DCAF8L2: variants seen among roughly 807,000 people sequenced by gnomAD.
The protein encoded by DCAF8L2 is DDB1 and CUL4 associated factor 8 like 2, also known as DDB1- and CUL4-associated factor 8-like protein 2.
For missense variants in DCAF8L2, 430 were observed against 490.7 expected, an observed-to-expected ratio of 0.88 and a Z score of 1.17; for synonymous variants, 200 against 190.9, an observed-to-expected ratio of 1.05 and a Z score of -0.39.
the DCAF8L2 span, among the ~76,000 whole-genome samples, chrX:27,484,987 G>A: frequency 1.8e-5 from 2 of 111,637 alleles, no homozygotes; most frequent in African/African-American, 3.3e-5. Flanking sequence ...GACTAGAGAG[G>A]CAGTTTATAT....
the DCAF8L2 span, among the ~76,000 whole-genome samples, chrX:27,528,474 GTGTATA>G: frequency 5.9e-3 from 206 of 34,943 alleles, no homozygotes; most frequent in Admixed American, 0.015. Flanking sequence ...TTATGTGTAT[GTGTATA>G]TATATATATA....
At chrX:27,517,047 G>T in the DCAF8L2 span, among the ~76,000 whole-genome samples, 2 of 111,228 alleles carry the variant, frequency 1.8e-5, no homozygotes, top group South Asian at 7.6e-4. Context: ...GCCATCAAAG[G>T]ATTACAGGAG....
chrX:27,524,618 T>C, the DCAF8L2 span, among the ~76,000 whole-genome samples: 1 of 110,766 alleles, frequency 9.0e-6, no homozygotes, highest in African/African-American at 3.3e-5. Flanking sequence ...TTAATTGTGA[T>C]GTTAGGGTGT....
At chrX:27,632,323 T>A (rs921695214) in intron 2 of DCAF8L2, 1 of 111,544 alleles carries the variant, frequency 9.0e-6, no homozygotes, top group African/African-American at 3.3e-5. Context: ...TTTGCCATTT[T>A]GCTGATGTCT....
intron 1 of DCAF8L2, among the ~76,000 whole-genome samples, chrX:27,625,708 G>T (rs1284335145): frequency 1.8e-5 from 2 of 111,826 alleles, no homozygotes; most frequent in Non-Finnish European, 3.8e-5. Flanking sequence ...GTTTTTTGCA[G>T]CAACGTGGGT....
At chrX:27,711,300 C>CT (rs1289805343) in intron 3 of DCAF8L2, among the ~76,000 whole-genome samples, 1 of 109,840 alleles carries the variant, frequency 9.1e-6, no homozygotes, top group Non-Finnish European at 1.9e-5. Context: ...AATATAATGT[C>CT]TTTCAGGTCT....
intron 3 of DCAF8L2, among the ~76,000 whole-genome samples, chrX:27,698,188 T>C (rs943622433): frequency 1.8e-5 from 2 of 111,716 alleles, no homozygotes; most frequent in African/African-American, 6.5e-5. Context: ...TGATAAACTT[T>C]CTTTAATATT....
At chrX:27,675,972 T>G (rs2147233850) in intron 2 of DCAF8L2, among the ~76,000 whole-genome samples, 1 of 112,301 alleles carries the variant, frequency 8.9e-6, no homozygotes, top group Admixed American at 9.4e-5. Context: ...TAATTAATCA[T>G]AAAGTACCTT....
intron 2 of DCAF8L2, among the ~76,000 whole-genome samples, chrX:27,644,758 T>C (rs1276485239): frequency 8.9e-6 from 1 of 111,865 alleles, no homozygotes; most frequent in African/African-American, 3.2e-5. Flanking sequence ...AACTCTTTTT[T>C]GTTGTTGTTG....
chrX:27,515,957 T>C, the DCAF8L2 span, among the ~76,000 whole-genome samples: 1 of 112,364 alleles, frequency 8.9e-6, no homozygotes, highest in Non-Finnish European at 1.9e-5. Context: ...ATATATTAAA[T>C]GCAACCTTTC....
chrX:27,587,613 G>A (rs1925927494), upstream of DCAF8L2, among the ~76,000 whole-genome samples: 1 of 111,393 alleles, frequency 9.0e-6, no homozygotes, highest in Non-Finnish European at 1.9e-5. Context: ...GCACAATATT[G>A]TTGGAAAACT....
chrX:27,553,920 T>TA, the DCAF8L2 span, among the ~76,000 whole-genome samples: 1 of 105,103 alleles, frequency 9.5e-6, no homozygotes, highest in Non-Finnish European at 2.0e-5. Context: ...TGCAATGAAA[T>TA]ATTGGTTGAA....
intron 2 of DCAF8L2, among the ~76,000 whole-genome samples, chrX:27,635,864 T>C (rs1368087259): frequency 9.5e-6 from 1 of 104,945 alleles, no homozygotes; most frequent in African/African-American, 3.5e-5. Context: ...CAGGCTGGAG[T>C]GCACTGGCGC....
At chrX:27,679,365 C>T (rs1226501741) in intron 3 of DCAF8L2, among the ~76,000 whole-genome samples, 1 of 110,568 alleles carries the variant, frequency 9.0e-6, no homozygotes, top group Non-Finnish European at 1.9e-5. Flanking sequence ...CATCAAGCCA[C>T]AGATGTGGTT....
chrX:27,591,036 A>C (rs1282630253), intron 1 of DCAF8L2, among the ~76,000 whole-genome samples: 1 of 81,385 alleles, frequency 1.2e-5, no homozygotes, highest in Non-Finnish European at 2.6e-5. Context: ...TTGATAGGTT[A>C]CATTACATTT....
intron 3 of DCAF8L2, among the ~76,000 whole-genome samples, chrX:27,687,770 C>T (rs1380145849): frequency 9.0e-6 from 1 of 111,561 alleles, no homozygotes; most frequent in Non-Finnish European, 1.9e-5. Context: ...AGGAGGATTG[C>T]TTGAACCCAG....
intron 1 of DCAF8L2, among the ~76,000 whole-genome samples, chrX:27,626,707 A>G (rs973822993): frequency 1.8e-5 from 2 of 112,228 alleles, no homozygotes; most frequent in African/African-American, 6.5e-5. Context: ...TGTTTCAGTT[A>G]TCAAGAAGTC....
the DCAF8L2 span, among the ~76,000 whole-genome samples, chrX:27,508,906 G>A: frequency 1.8e-5 from 2 of 110,085 alleles, no homozygotes; most frequent in Non-Finnish European, 3.8e-5. Context: ...TAGGTGCTTA[G>A]TCTAGTTCCC....
the DCAF8L2 span, among the ~76,000 whole-genome samples, chrX:27,579,615 T>TACAC: frequency 0.068 from 6,007 of 87,827 alleles, 200 homozygotes; most frequent in Middle Eastern, 0.1. Context: ...TTCAGAGAAA[T>TACAC]ACACACACAC....
Sources: allele counts gnomAD v4.1 joint callset (sites outside exome capture counted in the v4.1 genomes callset), GRCh38; gene constraint gnomAD v4.1.1; transcripts MANE v1.5; gene names NCBI Gene and HGNC (gene_info 2026-07-23, HGNC 2026-07-21).